The following PGM5 variants were observed in gnomAD, a reference collection of about 807,000 sequenced individuals.
PGM5 encodes phosphoglucomutase 5.
In PGM5, 23 loss-of-function variants were observed where a neutral mutation model predicts 59.2. That is an observed-to-expected ratio of 0.39 (90% CI 0.28 to 0.55). The LOEUF (loss-of-function observed/expected upper bound fraction) is 0.55, where lower values mean the gene tolerates loss of function less well. Among genes scored for constraint, PGM5 ranks in the 20% least tolerant of loss-of-function variants. PGM5 has a pLI of 0.66. For missense variants in PGM5, 574 were observed against 748.3 expected (o/e 0.77, Z 2.72); for synonymous variants, 214 against 286.0 (o/e 0.75, Z 2.54).
intron 10 of PGM5, among the ~76,000 whole-genome samples, chr9:68,513,534 C>T (rs1415339500): frequency 6.6e-6 from 1 of 152,196 alleles, no homozygotes; most frequent in Admixed American, 6.5e-5. Flanking sequence ...AAACACGTGA[C>T]ATTCAGTAGT....
At chr9:68,510,470 T>C (rs781820072) in intron 10 of PGM5, among the ~76,000 whole-genome samples, 12 of 152,150 alleles carry the variant, frequency 7.9e-5, no homozygotes, top group Admixed American at 2.6e-4. Context: ...TATTTTTGTT[T>C]TGAGTCCTAG....
chr9:68,424,207 G>C (rs1176643225), intron 6 of PGM5, among the ~76,000 whole-genome samples: 1 of 152,182 alleles, frequency 6.6e-6, no homozygotes, highest in African/African-American at 2.4e-5. Context: ...TTCCCACAAA[G>C]TGTTTCATGG....
chr9:68,418,429 C>T (rs1034515292), intron 6 of PGM5, among the ~76,000 whole-genome samples: 1 of 152,114 alleles, frequency 6.6e-6, no homozygotes, highest in Non-Finnish European at 1.5e-5. Context: ...TATTTTTAGC[C>T]TGCAGACCTT....
chr9:68,414,257 A>T (rs1822984171), intron 6 of PGM5, among the ~76,000 whole-genome samples: 1 of 152,118 alleles, frequency 6.6e-6, no homozygotes, highest in Non-Finnish European at 1.5e-5. Context: ...CTCTTTTCTT[A>T]ATAAATTACC....
intron 6 of PGM5, among the ~76,000 whole-genome samples, chr9:68,452,532 G>A (rs1181825356): frequency 6.6e-6 from 1 of 152,182 alleles, no homozygotes; most frequent in Non-Finnish European, 1.5e-5. Flanking sequence ...CTCTGAGAGA[G>A]GATCGGTCTC....
chr9:68,460,835 C>T (rs782329406), intron 6 of PGM5, among the ~76,000 whole-genome samples: 29 of 152,070 alleles, frequency 1.9e-4, no homozygotes, highest in Admixed American at 4.6e-4. Context: ...GCAATTCCTG[C>T]GCTCATGGAA....
intron 7 of PGM5, among the ~76,000 whole-genome samples, chr9:68,471,522 GT>G (rs1554686216): frequency 6.6e-6 from 1 of 151,850 alleles, no homozygotes; most frequent in African/African-American, 2.4e-5. Context: ...ACAGGTTATG[GT>G]GGTTTGTGCC....
In PGM5 at chr9:68,529,486, T is replaced by G. The variant is rs1825046011; in HGVS notation, c.1615-81T>G. On this transcript the variant is annotated intron_variant, in intron 10 of 10. Coordinates refer to ENST00000396396, the MANE Select transcript of PGM5 (RefSeq NM_021965.4). ...CAGTGAATTGGAATCTGAGTCCAGATGCTTATGGTAGAAATCCATCAGAAT... is the reference window on the plus strand; with the variant it reads ...CAGTGAATTGGAATCTGAGTCCAGAGGCTTATGGTAGAAATCCATCAGAAT... The G allele has an allele frequency of 3.1e-6, 3 of 956,478 alleles. No homozygotes were observed. The South Asian group carries it at 4.2e-5, about 13-fold the overall frequency. The allele number at this position is 956,478 out of a possible 1,614,324, so 59.2% of individuals were successfully genotyped here.
chr9:68,478,160 C>G (rs1434263302), intron 7 of PGM5, among the ~76,000 whole-genome samples: 1 of 152,164 alleles, frequency 6.6e-6, no homozygotes, highest in East Asian at 1.9e-4. Context: ...TTATAACTGG[C>G]TAACAGACAG....
intron 8 of PGM5, among the ~76,000 whole-genome samples, chr9:68,482,974 T>C (rs975877343): frequency 1.8e-4 from 27 of 152,344 alleles, no homozygotes; most frequent in African/African-American, 4.8e-4. Context: ...TAGGAGGACT[T>C]TTTTGAATGG....
rs368012816 is a variant in PGM5 at position 68,521,744 on chromosome 9, A to G, written c.1615-7823A>G. Among the ~76,000 whole-genome samples, 80 of 152,312 alleles carry G rather than the reference A, an allele frequency of 5.3e-4. 1 individual carries two copies. The South Asian group carries it at 0.012, about 23-fold the overall frequency. ...AGGGGAGAGGTGGATAGAAAGAAAG[A>G]AGAGAGGAACAGGGAAACCATGGCC... On this transcript the variant is annotated intron_variant, in intron 10 of 10. Coordinates refer to ENST00000396396, the MANE Select transcript of PGM5 (RefSeq NM_021965.4).
intron 6 of PGM5, among the ~76,000 whole-genome samples, chr9:68,432,245 G>A (rs1823362680): frequency 6.6e-6 from 1 of 151,154 alleles, no homozygotes. Flanking sequence ...TGTTGCCCAG[G>A]CTGGAGTGTA....
At chr9:68,367,649 T>C (rs1834706188) in intron 1 of PGM5, among the ~76,000 whole-genome samples, 3 of 152,154 alleles carry the variant, frequency 2.0e-5, no homozygotes, top group Non-Finnish European at 4.4e-5. Flanking sequence ...AGATCCAGCT[T>C]GGATGTCATA....
At chr9:68,510,096 C>T (rs141290991) in intron 10 of PGM5, among the ~76,000 whole-genome samples, 1 of 151,488 alleles carries the variant, frequency 6.6e-6, no homozygotes, top group Non-Finnish European at 1.5e-5. Flanking sequence ...TTTTCACATA[C>T]CATCAAAGCT....
At chr9:68,360,323 CAT>C (rs1398568164) in intron 1 of PGM5, among the ~76,000 whole-genome samples, 59 of 150,316 alleles carry the variant, frequency 3.9e-4, no homozygotes, top group African/African-American at 1.2e-3. Context: ...ATATCAAAAA[CAT>C]AAAATTATTT....
chr9:68,517,909 A>T (rs1234863555), intron 10 of PGM5, among the ~76,000 whole-genome samples: 4 of 152,234 alleles, frequency 2.6e-5, no homozygotes, highest in African/African-American at 9.7e-5. Flanking sequence ...CAGGAAAATG[A>T]GCCAAAGCTC....
At chr9:68,512,919 G>A (rs1824771655) in intron 10 of PGM5, among the ~76,000 whole-genome samples, 2 of 152,208 alleles carry the variant, frequency 1.3e-5, no homozygotes, top group Admixed American at 6.5e-5. Flanking sequence ...ATTGACTTAA[G>A]ATAATTTTAA....
intron 8 of PGM5, 116 bp from the exon 9 acceptor site, chr9:68,483,749 G>T: frequency 1.2e-6 from 1 of 817,542 alleles, no homozygotes; most frequent in East Asian, 2.6e-5. Flanking sequence ...TGAGTTGAAG[G>T]TGCATTTCTG....
chr9:68,384,606 T>G, intron 3 of PGM5, 62 bp downstream of exon 3: 2 of 1,075,446 alleles, frequency 1.9e-6, no homozygotes, highest in Non-Finnish European at 2.8e-6. Flanking sequence ...GACTGGTTTC[T>G]GTAGGGAAGT....
Sources: allele counts gnomAD v4.1 joint callset (sites outside exome capture counted in the v4.1 genomes callset), GRCh38; gene constraint gnomAD v4.1.1; transcripts MANE v1.5; gene names NCBI Gene and HGNC (gene_info 2026-07-23, HGNC 2026-07-21).